The following ANKRD42 variants were observed in gnomAD, a reference collection of about 807,000 sequenced individuals.
ANKRD42 encodes ankyrin repeat domain-containing protein 42.
ANKRD42 carries 43 observed loss-of-function variants against 51.5 expected under a neutral mutation model. The ratio of observed to expected loss-of-function variants is 0.83; its 90% CI spans 0.65 to 1.08. The LOEUF (loss-of-function observed/expected upper bound fraction) is 1.08, where lower values mean the gene tolerates loss of function less well. ANKRD42 is among the 50% of genes least tolerant of loss of function. ANKRD42 has a pLI of 0.00. For missense variants in ANKRD42, 608 were observed against 629.3 expected (o/e 0.97, Z 0.36); for synonymous variants, 203 against 213.0 (o/e 0.95, Z 0.41).
chr11:83,228,512 A>G (rs1265977427), intron 7 of ANKRD42, among the ~76,000 whole-genome samples: 1 of 152,076 alleles, frequency 6.6e-6, no homozygotes, highest in East Asian at 1.9e-4. Flanking sequence ...TACAGGCGTG[A>G]GCCACCATGC....
chr11:83,235,223 A>G (rs932982960), intron 7 of ANKRD42, among the ~76,000 whole-genome samples: 4 of 152,198 alleles, frequency 2.6e-5, no homozygotes, highest in South Asian at 2.1e-4. Flanking sequence ...CTTAAAATAC[A>G]TGTCATAGGA....
At chr11:83,261,256 G>A (rs527576), downstream of ANKRD42, 39,901 of 151,812 alleles carry the variant, frequency 0.26, 5,417 homozygotes, top group Middle Eastern at 0.41. Context: ...TAGCAGAGAC[G>A]GGGTTTCACC....
intron 2 of ANKRD42, among the ~76,000 whole-genome samples, chr11:83,204,389 G>T (rs191647024): frequency 6.6e-6 from 1 of 152,030 alleles, no homozygotes; most frequent in Non-Finnish European, 1.5e-5. Context: ...AACAGAAAAC[G>T]AAAAACCACA....
chr11:83,255,029 A>G (rs1389085386), intron 11 of ANKRD42, among the ~76,000 whole-genome samples: 1 of 152,208 alleles, frequency 6.6e-6, no homozygotes, highest in African/African-American at 2.4e-5. Context: ...TTCACACACT[A>G]TTGAGTTAAA....
At chr11:83,228,240 T>TCC (rs1862956704) in intron 7 of ANKRD42, among the ~76,000 whole-genome samples, 1 of 68,354 alleles carries the variant, frequency 1.5e-5, no homozygotes, top group Admixed American at 1.4e-4. Context: ...TCTTTTTTTT[T>TCC]TTTTTTTTTT....
chr11:83,260,948 G>A (rs1863900302), downstream of ANKRD42: 1 of 152,006 alleles, frequency 6.6e-6, no homozygotes, highest in Non-Finnish European at 1.5e-5. Context: ...AATTTAAGAT[G>A]GGTTAACTTA....
At chr11:83,195,117 T>C (rs139044549) in intron 1 of ANKRD42, among the ~76,000 whole-genome samples, 2 of 152,356 alleles carry the variant, frequency 1.3e-5, no homozygotes, top group African/African-American at 4.8e-5. Flanking sequence ...CCGTTTTCTT[T>C]TCTTCTGCCA....
downstream of ANKRD42, among the ~76,000 whole-genome samples, chr11:83,252,089 A>T (rs1338422927): frequency 6.6e-6 from 1 of 152,236 alleles, no homozygotes; most frequent in African/African-American, 2.4e-5. Flanking sequence ...CCAGTAAAAA[A>T]ACTGGGCAAG....
At chr11:83,204,601 G>A (rs1013060401) in intron 2 of ANKRD42, among the ~76,000 whole-genome samples, 6 of 151,810 alleles carry the variant, frequency 4.0e-5, no homozygotes, top group African/African-American at 1.4e-4. Flanking sequence ...TCCATGAAAC[G>A]AACGAACTTG....
intron 3 of ANKRD42, chr11:83,209,548 G>T: frequency 1.0e-6 from 1 of 992,124 alleles, no homozygotes; most frequent in Non-Finnish European, 1.6e-6. Context: ...GCGTTCAGCA[G>T]AGTCAGGGAT....
downstream of ANKRD42, chr11:83,260,987 G>A (rs1863902189): frequency 6.6e-6 from 1 of 152,064 alleles, no homozygotes; most frequent in Non-Finnish European, 1.5e-5. Flanking sequence ...GGATAAACTG[G>A]TTTTTGAGTA....
At chr11:83,227,908 T>C (rs781513569) in intron 7 of ANKRD42, 36 bp downstream of exon 7, 247 of 1,563,386 alleles carry the variant, frequency 1.6e-4, no homozygotes, top group Non-Finnish European at 2.0e-4. Context: ...TCGGATACAA[T>C]AGCTGCTGAG....
intron 2 of ANKRD42, among the ~76,000 whole-genome samples, chr11:83,199,409 TG>T (rs1861783418): frequency 6.6e-6 from 1 of 152,202 alleles, no homozygotes; most frequent in African/African-American, 2.4e-5. Flanking sequence ...AGCTTTTTTT[TG>T]TTCAACAATA....
intron 5 of ANKRD42, among the ~76,000 whole-genome samples, chr11:83,220,516 C>T (rs759317906): frequency 7.2e-5 from 11 of 152,170 alleles, no homozygotes; most frequent in Non-Finnish European, 1.6e-4. Context: ...TGGCTGACCG[C>T]GGTGAGTCAC....
chr11:83,254,988 C>A (rs767779611), intron 11 of ANKRD42, among the ~76,000 whole-genome samples: 1 of 152,088 alleles, frequency 6.6e-6, no homozygotes, highest in African/African-American at 2.4e-5. Context: ...TTTTTCCAGG[C>A]GGTGTTGGAT....
At chr11:83,227,894 C>T (rs1294217120) in intron 7 of ANKRD42, 22 bp downstream of exon 7, 4 of 1,583,896 alleles carry the variant, frequency 2.5e-6, no homozygotes, top group Non-Finnish European at 3.4e-6. Context: ...TTCCTCCTTT[C>T]AGTTCGGATA....
At position 83,194,152 on chromosome 11, in the gene ANKRD42, A is replaced by G. The variant is rs772521880; in HGVS notation, c.-519A>G. The G allele has an allele frequency of 1.8e-5, 8 of 456,964 alleles. No homozygotes were observed. Among genetic ancestry groups the G allele is most frequent in the South Asian group, 1.2e-4 (8 of 64,568 alleles). 28.3% of individuals were successfully genotyped at this position (456,964 alleles called of 1,614,324 possible). ...TAGGGGAGACAGCACCTTCTGCAGC[A>G]GCGACGTGAATTTTAGTGAAGTTGG... is the stretch of plus-strand genomic sequence containing the variant. On this transcript the variant is annotated 5_prime_UTR_variant, in exon 1 of 11. Coordinates refer to ENST00000533342, the MANE Select transcript of ANKRD42 (RefSeq NM_001300975.2).
At chr11:83,210,716 G>A (rs142770888) in intron 4 of ANKRD42, among the ~76,000 whole-genome samples, 132 of 152,276 alleles carry the variant, frequency 8.7e-4, no homozygotes, top group South Asian at 7.7e-3. Context: ...TCTTAACCAG[G>A]TGATTGTAAA....
intron 5 of ANKRD42, among the ~76,000 whole-genome samples, chr11:83,211,682 G>A (rs7106850): frequency 0.02 from 2,966 of 151,876 alleles, 101 homozygotes; most frequent in African/African-American, 0.065. Flanking sequence ...ATTGTGGTGT[G>A]TGCCTGTAGT....
Sources: allele counts gnomAD v4.1 joint callset (sites outside exome capture counted in the v4.1 genomes callset), GRCh38; gene constraint gnomAD v4.1.1; transcripts MANE v1.5; gene names NCBI Gene and HGNC (gene_info 2026-07-23, HGNC 2026-07-21).